The following CCDC88A variants were observed in gnomAD, a reference collection of about 807,000 sequenced individuals.
The protein encoded by CCDC88A is girdin.
CCDC88A carries 54 observed loss-of-function variants against 234.3 expected under a neutral mutation model. That is an observed-to-expected ratio of 0.23 (90% CI 0.19 to 0.29). CCDC88A has a LOEUF of 0.29. Ranked by LOEUF, CCDC88A falls within the 10% of genes least tolerant of loss-of-function variation. The probability of loss-of-function intolerance (pLI) is 1.00; values close to 1 mark genes in which losing one functional copy is unlikely to be tolerated. For synonymous variants in CCDC88A, 753 were observed against 737.8 expected, an observed-to-expected ratio of 1.02 and a Z score of -0.33; for missense variants, 1,832 against 2,123.4, an observed-to-expected ratio of 0.86 and a Z score of 2.70.
At chr2:55,360,156 T>G (rs1211376938) in intron 7 of CCDC88A, among the ~76,000 whole-genome samples, 1 of 152,156 alleles carries the variant, frequency 6.6e-6, no homozygotes, top group African/African-American at 2.4e-5. Context: ...AAAATCTATT[T>G]GGGTTTTAGT....
chr2:55,353,864 C>A (rs985934493), intron 8 of CCDC88A, among the ~76,000 whole-genome samples: 1 of 152,122 alleles, frequency 6.6e-6, no homozygotes, highest in Non-Finnish European at 1.5e-5. Context: ...TGCAGTCATG[C>A]ATTGTTTAAG....
chr2:55,291,708 G>T lies in CCDC88A; in HGVS notation c.*3C>A. On this transcript the variant is annotated 3_prime_UTR_variant, in exon 32 of 33. Coordinates refer to ENST00000436346, the MANE Select transcript of CCDC88A (RefSeq NM_001365480.1). ...CCCACATGTCATGTAGTGGGTAATA[G>T]AATTAGGAGCTTTGTTGCTCCCTAG... is the stretch of plus-strand genomic sequence containing the variant. The T allele has an allele frequency of 6.2e-7, 1 of 1,600,446 alleles. No homozygotes were observed. Among genetic ancestry groups the T allele is most frequent in the South Asian group, 1.1e-5 (1 of 90,420 alleles).
chr2:55,305,661 T>G (rs1336158563), intron 25 of CCDC88A, among the ~76,000 whole-genome samples: 1 of 152,102 alleles, frequency 6.6e-6, no homozygotes, highest in African/African-American at 2.4e-5. Context: ...AGTCTGGGCT[T>G]AATAAGTGAG....
In CCDC88A at chr2:55,288,982, T is replaced by G. The variant is rs1047503959; in HGVS notation, c.*2218A>C. 2 of 152,360 alleles carry G rather than the reference T, an allele frequency of 1.3e-5. No individual in the cohort carries two copies. Among genetic ancestry groups the G allele is most frequent in the Admixed American group, 6.5e-5 (1 of 15,282 alleles). 9.4% of individuals were successfully genotyped at this position (152,360 alleles called of 1,614,324 possible). A position where few individuals can be genotyped will look rare whatever the true frequency, so the allele number is the denominator to read the frequency against. On this transcript the variant is annotated 3_prime_UTR_variant, in exon 33 of 33. Transcript: ENST00000436346. ...TTCTTGAAATGGTATGAAAAAAGTG[T>G]GATGAATATAATTGAGATTATTCAT...
chr2:55,356,698 G>A (rs1343750596), intron 7 of CCDC88A: 1 of 152,176 alleles, frequency 6.6e-6, no homozygotes, highest in Admixed American at 6.5e-5. Flanking sequence ...GGGAGGCCGA[G>A]GAGGGCAGAT....
rs1680658503 is a variant in CCDC88A at position 55,412,432 on chromosome 2, A to G, written c.164+6384T>C. ...GCTTGTTAGGAAAGCCACACAGCAG[A>G]TCAGTGGTGGGCGGGCAAGCATTAC... is the stretch of plus-strand genomic sequence containing the variant. On this transcript the variant is annotated intron_variant, in intron 2 of 32. Coordinates refer to ENST00000436346, the MANE Select transcript of CCDC88A (RefSeq NM_001365480.1). Among the ~76,000 whole-genome samples the G allele has an allele frequency of 2.0e-5, 3 of 152,224 alleles. No individual in the cohort carries two copies. In the South Asian group the frequency reaches 6.2e-4, roughly 31 times the overall value.
chr2:55,316,148 T>A (rs1397973797), intron 21 of CCDC88A, 34 bp from the exon 22 acceptor site: 2 of 901,842 alleles, frequency 2.2e-6, no homozygotes, highest in Non-Finnish European at 3.2e-6. Flanking sequence ...ATAATTAGAT[T>A]ATCTTAATAG....
chr2:55,323,114 T>C (rs1683834833), intron 17 of CCDC88A: 1 of 152,644 alleles, frequency 6.6e-6, no homozygotes, highest in African/African-American at 2.4e-5. Context: ...GAGTTGGCTC[T>C]CTTAAAGTAG....
chr2:55,402,435 G>C (rs1678860117), intron 2 of CCDC88A, among the ~76,000 whole-genome samples: 2 of 152,032 alleles, frequency 1.3e-5, no homozygotes, highest in South Asian at 4.1e-4. Flanking sequence ...TATTTGATTG[G>C]CATATTCATA....
At chr2:55,315,785 G>C (rs1287500118) in intron 22 of CCDC88A, 143 bp downstream of exon 22, 4 of 438,646 alleles carry the variant, frequency 9.1e-6, no homozygotes, top group Non-Finnish European at 1.6e-5. Flanking sequence ...TTACATGTAA[G>C]TTTCAGTGAT....
chr2:55,359,938 A>G (rs1397380139), intron 7 of CCDC88A, among the ~76,000 whole-genome samples: 1 of 152,136 alleles, frequency 6.6e-6, no homozygotes, highest in Non-Finnish European at 1.5e-5. Flanking sequence ...CAGTACAATC[A>G]TGGATTTAGG....
At chr2:55,378,480 T>C (rs570411277) in intron 3 of CCDC88A, among the ~76,000 whole-genome samples, 3 of 152,310 alleles carry the variant, frequency 2.0e-5, no homozygotes, top group Admixed American at 6.5e-5. Context: ...AGCTCCATGA[T>C]GTACAATACA....
chr2:55,334,542 C>G lies in CCDC88A; in HGVS notation c.2279G>C (p.Gly760Ala). ...KTERLEVSYQ[G>A]LDIENQRLQK... ...CAGTCTTTGATTTTCTATATCTAAA[C>G]CCTGGTAGCTAACTTCTAAGCGTTC... Residue 760 changes from glycine to alanine, a missense_variant, in exon 15 of 33, where the codon GGT becomes GCT. Transcript: ENST00000436346. The surrounding 1 kb of genome is among the most constrained non-coding windows in gnomAD (Gnocchi z 6.1). 6.2e-7 allele frequency: 1 copy of G among 1,612,324 alleles called. No homozygotes were observed. Among genetic ancestry groups the G allele is most frequent in the Non-Finnish European group, 8.5e-7 (1 of 1,179,600 alleles).
intron 2 of CCDC88A, among the ~76,000 whole-genome samples, chr2:55,396,517 C>G (rs1049964910): frequency 6.6e-6 from 1 of 152,074 alleles, no homozygotes; most frequent in Non-Finnish European, 1.5e-5. Context: ...AGCTCTTTTA[C>G]TCTTTTAGTT....
intron 13 of CCDC88A, 42 bp from the exon 14 acceptor site, chr2:55,336,860 G>T: frequency 7.7e-7 from 1 of 1,290,928 alleles, no homozygotes; most frequent in Non-Finnish European, 1.1e-6. Flanking sequence ...TAAATATTCT[G>T]TAACAGTGAA....
chr2:55,360,031 A>G (rs553425900), intron 7 of CCDC88A, among the ~76,000 whole-genome samples: 6 of 152,276 alleles, frequency 3.9e-5, no homozygotes, highest in East Asian at 1.9e-4. Context: ...GGGCTCAAGT[A>G]TCTTCATCTA....
At chr2:55,364,196 T>C in intron 5 of CCDC88A, 163 bp from the exon 6 acceptor site, 1 of 455,444 alleles carries the variant, frequency 2.2e-6, no homozygotes. Flanking sequence ...TAAACAACAA[T>C]TTAGAAATAA....
chr2:55,371,199 T>C (rs1672800358), intron 5 of CCDC88A, among the ~76,000 whole-genome samples: 1 of 152,218 alleles, frequency 6.6e-6, no homozygotes, highest in Non-Finnish European at 1.5e-5. Flanking sequence ...ATACGAGTTG[T>C]GTTTCTAACT....
intron 2 of CCDC88A, among the ~76,000 whole-genome samples, chr2:55,401,579 A>T: frequency 6.9e-6 from 1 of 144,238 alleles, no homozygotes; most frequent in African/African-American, 2.5e-5. Context: ...ATTCAAATTC[A>T]ATTACTTTGC....
Sources: allele counts gnomAD v4.1 joint callset (sites outside exome capture counted in the v4.1 genomes callset), GRCh38; gene constraint gnomAD v4.1.1; non-coding constraint Gnocchi (gnomAD v3.1); transcripts MANE v1.5; gene names NCBI Gene and HGNC (gene_info 2026-07-23, HGNC 2026-07-21).